The following ZNF483 variants were observed in gnomAD, a reference collection of about 807,000 sequenced individuals.
ZNF483 encodes the protein zinc finger protein HIT-10.
A neutral mutation model predicts 28.6 loss-of-function variants in ZNF483; 9 were observed. That is an observed-to-expected ratio of 0.32 (90% CI 0.19 to 0.55). The LOEUF is 0.55. Ranked by LOEUF, ZNF483 falls within the 20% of genes least tolerant of loss-of-function variation. The pLI, the probability that ZNF483 is intolerant of heterozygous loss-of-function variation, is 0.93. For synonymous variants in ZNF483, 322 were observed against 306.2 expected (o/e 1.05, Z -0.54); for missense variants, 675 against 871.7 (o/e 0.77, Z 2.84).
In ZNF483 at chr9:111,549,156, T is replaced by C. The variant is rs1827868756; in HGVS notation, c.*5986T>C. 6.6e-6 allele frequency among the ~76,000 whole-genome samples: 1 copy of C among 152,204 alleles called. No homozygotes were observed. Among genetic ancestry groups the C allele is most frequent in the South Asian group, 2.1e-4 (1 of 4,826 alleles). ...TCACTGAGTCACTGGAGGTTCTCTG[T>C]GTGTGTGAGTGTATAAATAAAGATT... On this transcript the variant is annotated 3_prime_UTR_variant, in exon 6 of 6. Coordinates refer to ENST00000309235, the MANE Select transcript of ZNF483 (RefSeq NM_133464.5).
intron 1 of ZNF483, among the ~76,000 whole-genome samples, 196 bp downstream of exon 1, chr9:111,525,458 T>G (rs2132204011): frequency 6.6e-6 from 1 of 152,118 alleles, no homozygotes; most frequent in East Asian, 1.9e-4. Context: ...CTGCGCCACT[T>G]GGGCACTGTT....
In ZNF483 at chr9:111,547,882, T is replaced by A. The variant is rs1016799269; in HGVS notation, c.*4712T>A. ...TCCCAGCCCCATCTGTTGAAGAGAC[T>A]ATCCTTTCCACATCATGTATTCTTT... On this transcript the variant is annotated 3_prime_UTR_variant, in exon 6 of 6. Coordinates refer to ENST00000309235, the MANE Select transcript of ZNF483 (RefSeq NM_133464.5). Among the ~76,000 whole-genome samples, 1 of 152,204 alleles carries A rather than the reference T, an allele frequency of 6.6e-6. No homozygotes were observed. The highest frequency in any genetic ancestry group is 2.4e-5 in the African/African-American group (1 of 41,470).
intron 5 of ZNF483, chr9:111,563,230 C>T: frequency 1.2e-6 from 2 of 1,611,078 alleles, no homozygotes; most frequent in Non-Finnish European, 1.7e-6. Flanking sequence ...CTGGATTTTA[C>T]CCTGTATCAA....
At chr9:111,537,246 G>C (rs1218893309) in intron 5 of ZNF483, among the ~76,000 whole-genome samples, 1 of 151,222 alleles carries the variant, frequency 6.6e-6, no homozygotes, top group Non-Finnish European at 1.5e-5. Flanking sequence ...TTTGGAGACA[G>C]AGTCTCACTC....
intron 5 of ZNF483, among the ~76,000 whole-genome samples, chr9:111,540,009 G>A (rs1246767647): frequency 6.6e-6 from 1 of 152,094 alleles, no homozygotes; most frequent in Non-Finnish European, 1.5e-5. Context: ...GCACCTGCCT[G>A]TGGTTCCAGC....
chr9:111,574,932 C>T (rs1194295561), intron 5 of ZNF483: 4 of 1,000,370 alleles, frequency 4.0e-6, no homozygotes, highest in African/African-American at 1.6e-5. Context: ...TTTACAATAC[C>T]TGTTTTAGCA....
rs1827764211 is a variant in ZNF483 at position 111,544,665 on chromosome 9, A to G, written c.*1495A>G. 6.6e-6 allele frequency among the ~76,000 whole-genome samples: 1 copy of G among 152,192 alleles called. No individual in the cohort carries two copies. The highest frequency in any genetic ancestry group is 1.5e-5 in the Non-Finnish European group (1 of 68,030). ...ACTGCACTGATAGCAAGTAAAGTTC[A>G]GGGAATGAATGTAGAATTGATACAG... On this transcript the variant is annotated 3_prime_UTR_variant, in exon 6 of 6. Coordinates refer to ENST00000309235, the MANE Select transcript of ZNF483 (RefSeq NM_133464.5).
In ZNF483 at chr9:111,554,058, T is replaced by C. The variant is rs147881673; in HGVS notation, c.*10888T>C. 6.9e-3 allele frequency among the ~76,000 whole-genome samples: 1,049 copies of C among 152,304 alleles called. 14 individuals are homozygous for C. The highest frequency in any genetic ancestry group is 0.014 in the Middle Eastern group (4 of 294). On this transcript the variant is annotated 3_prime_UTR_variant, in exon 6 of 6. Transcript: ENST00000309235. ...CAGCTGAGAACCACAGGTTTCAAAC[T>C]CGGTGCCAAGGTTTCCCATTCCACT...
rs761629434 is a variant in ZNF483 at position 111,549,153 on chromosome 9, CTGTG to C, written c.*5990_*5993del. On this transcript the variant is annotated 3_prime_UTR_variant, in exon 6 of 6. Transcript: ENST00000309235. ...GAGTCACTGAGTCACTGGAGGTTCT[CTGTG>C]TGTGTGAGTGTATAAATAAAGATTT... Among the ~76,000 whole-genome samples the C allele has an allele frequency of 4.6e-5, 7 of 152,006 alleles. No homozygotes were observed. Among genetic ancestry groups the C allele is most frequent in the Non-Finnish European group, 7.4e-5 (5 of 67,988 alleles).
intron 5 of ZNF483, among the ~76,000 whole-genome samples, chr9:111,541,198 T>G (rs1463777179): frequency 6.6e-6 from 1 of 151,338 alleles, no homozygotes. Context: ...CAAGTGATTC[T>G]CCTGCCTCAG....
chr9:111,531,015 C>A, intron 3 of ZNF483, 52 bp downstream of exon 3: 2 of 885,822 alleles, frequency 2.3e-6, no homozygotes, highest in Non-Finnish European at 3.4e-6. Flanking sequence ...AATTGAGCTC[C>A]TACTGAGTGG....
At chr9:111,573,923 G>C (rs768140390) in intron 5 of ZNF483, among the ~76,000 whole-genome samples, 1 of 152,274 alleles carries the variant, frequency 6.6e-6, no homozygotes, top group South Asian at 2.1e-4. Flanking sequence ...AATAAAACAA[G>C]GACAATCAAG....
intron 5 of ZNF483, among the ~76,000 whole-genome samples, chr9:111,537,919 G>A (rs976875451): frequency 3.3e-5 from 5 of 152,252 alleles, no homozygotes; most frequent in East Asian, 3.9e-4. Context: ...GAGCCAGTGC[G>A]CCTGGCCCAG....
rs1031532139 is a variant in ZNF483, at chr9:111,546,112, A to G, written c.*2942A>G. ...TATGCCCATCCTAGCGTTTGAAATG[A>G]TATTCCTTTGTGGTTTTAACTTTGA... On this transcript the variant is annotated 3_prime_UTR_variant, in exon 6 of 6. Coordinates refer to ENST00000309235, the MANE Select transcript of ZNF483 (RefSeq NM_133464.5). Among the ~76,000 whole-genome samples, 1 of 152,058 alleles carries G rather than the reference A, an allele frequency of 6.6e-6. No homozygotes were observed. Among genetic ancestry groups the G allele is most frequent in the Non-Finnish European group, 1.5e-5 (1 of 67,984 alleles).
exon 6 of ZNF483, chr9:111,576,701 A>G (rs1274736594): frequency 3.0e-5 from 9 of 302,228 alleles, no homozygotes; most frequent in Non-Finnish European, 5.5e-5. Flanking sequence ...CCCTAGAAGC[A>G]ATGGTTTTCA....
intron 5 of ZNF483, among the ~76,000 whole-genome samples, chr9:111,540,655 A>G (rs1203086610): frequency 2.6e-5 from 4 of 152,222 alleles, no homozygotes; most frequent in Non-Finnish European, 4.4e-5. Context: ...TGTATCTGTA[A>G]GGCTGATAGG....
At chr9:111,560,974 T>TATATATAG (rs1564607823) in intron 5 of ZNF483, among the ~76,000 whole-genome samples, 2 of 9,334 alleles carry the variant, frequency 2.1e-4, no homozygotes, top group African/African-American at 9.8e-4. Flanking sequence ...TATATATATA[T>TATATATAG]AGAGAGAGAG....
At position 111,544,288 on chromosome 9, in the gene ZNF483, T is replaced by C. The variant is rs1401408918; in HGVS notation, c.*1118T>C. The C allele has an allele frequency of 1.0e-6, 1 of 985,346 alleles. No individual in the cohort carries two copies. Among genetic ancestry groups the C allele is most frequent in the Admixed American group, 6.1e-5 (1 of 16,266 alleles). The allele number at this position is 985,346 out of a possible 1,614,324, so 61.0% of individuals were successfully genotyped here. A position where few individuals can be genotyped will look rare whatever the true frequency, so the allele number is the denominator to read the frequency against. On this transcript the variant is annotated 3_prime_UTR_variant, in exon 6 of 6. Coordinates refer to ENST00000309235, the MANE Select transcript of ZNF483 (RefSeq NM_133464.5). ...AGTACATTTTTTTGCAATTGGAGTGTAAACATTCTGTGTGGCAACAGTTAA... is the reference window on the plus strand; with the variant it reads ...AGTACATTTTTTTGCAATTGGAGTGCAAACATTCTGTGTGGCAACAGTTAA...
chr9:111,530,104 T>G (rs1827282375), intron 2 of ZNF483, among the ~76,000 whole-genome samples: 1 of 152,148 alleles, frequency 6.6e-6, no homozygotes, highest in Non-Finnish European at 1.5e-5. Context: ...CTTAGAGGGT[T>G]GGAACTCAGC....
Sources: gnomAD v4.1 joint callset for allele counts (sites outside exome capture counted in the v4.1 genomes callset) on GRCh38, gnomAD v4.1.1 for gene constraint, MANE v1.5 for transcripts, NCBI Gene and HGNC (gene_info 2026-07-23, HGNC 2026-07-21) for gene names.